The following NBEA variants were observed in gnomAD, a reference collection of about 807,000 sequenced individuals.
NBEA encodes lysosomal-trafficking regulator 2.
NBEA carries 44 observed loss-of-function variants against 343.4 expected under a neutral mutation model. The ratio of observed to expected loss-of-function variants is 0.13; its 90% CI spans 0.10 to 0.16. NBEA has a LOEUF of 0.16. NBEA is among the 10% of genes least tolerant of loss of function. NBEA has a pLI of 1.00. For missense variants in NBEA, 2,555 were observed against 3,631.3 expected (o/e 0.70, Z 7.62); for synonymous variants, 1,175 against 1,238.7 (o/e 0.95, Z 1.08).
intron 12 of NBEA, 37 bp downstream of exon 12, chr13:35,109,479 A>G (rs1187780982): frequency 1.3e-6 from 2 of 1,517,456 alleles, no homozygotes; most frequent in Non-Finnish European, 1.8e-6. Flanking sequence ...GATTTAGTGT[A>G]ATGTTATACA....
chr13:35,438,123 A>C (rs2045541336), intron 39 of NBEA, among the ~76,000 whole-genome samples: 1 of 152,162 alleles, frequency 6.6e-6, no homozygotes, highest in Admixed American at 6.5e-5. Context: ...AGGAAAAAAA[A>C]AACATGGAGC....
chr13:35,377,907 T>C (rs1312442604), intron 38 of NBEA, among the ~76,000 whole-genome samples: 3 of 152,176 alleles, frequency 2.0e-5, no homozygotes, highest in Non-Finnish European at 4.4e-5. Context: ...AAACACTGAT[T>C]TGTGTCTTTT....
chr13:35,311,842 G>A (rs988316978), intron 36 of NBEA, among the ~76,000 whole-genome samples: 3 of 152,080 alleles, frequency 2.0e-5, no homozygotes, highest in Middle Eastern at 3.4e-3. Context: ...CGATGAGAGC[G>A]AGACTTCGTC....
chr13:35,157,022 G>T (rs2069220440), intron 20 of NBEA, 56 bp from the exon 21 acceptor site: 1 of 1,369,166 alleles, frequency 7.3e-7, no homozygotes. Context: ...TTTCAAAATA[G>T]TAAATTCTAA....
intron 31 of NBEA, among the ~76,000 whole-genome samples, chr13:35,200,768 A>C (rs1438642545): frequency 1.3e-5 from 2 of 151,996 alleles, no homozygotes; most frequent in Non-Finnish European, 2.9e-5. Flanking sequence ...GGGCCAAAAA[A>C]GCAACTTAGA....
At chr13:35,373,707 A>AAATAATAAT (rs60612475) in intron 38 of NBEA, among the ~76,000 whole-genome samples, 166 of 149,808 alleles carry the variant, frequency 1.1e-3, no homozygotes, top group Middle Eastern at 3.5e-3. Context: ...ACTGTCTCAA[A>AAATAATAAT]AATAATAATA....
intron 35 of NBEA, among the ~76,000 whole-genome samples, chr13:35,298,748 C>T (rs1282430438): frequency 6.6e-6 from 1 of 151,864 alleles, no homozygotes; most frequent in Admixed American, 6.6e-5. Flanking sequence ...ATATGATACG[C>T]CAACTTTTCC....
intron 36 of NBEA, among the ~76,000 whole-genome samples, chr13:35,310,119 G>A (rs1010793658): frequency 8.6e-5 from 13 of 151,364 alleles, no homozygotes; most frequent in South Asian, 4.2e-4. Flanking sequence ...GGTTAAAATC[G>A]CAGTGCCAAA....
At chr13:35,249,731 C>T (rs1279432626) in intron 34 of NBEA, among the ~76,000 whole-genome samples, 1 of 152,090 alleles carries the variant, frequency 6.6e-6, no homozygotes. Flanking sequence ...GGGTTTATAG[C>T]CAAAACAACT....
chr13:35,513,301 A>AT (rs1566247982), intron 41 of NBEA, among the ~76,000 whole-genome samples: 7 of 117,282 alleles, frequency 6.0e-5, no homozygotes, highest in African/African-American at 1.4e-4. Context: ...CACACCTGGC[A>AT]ATTTTTTTTT....
rs148618803 is a variant in NBEA at position 35,390,353 on chromosome 13, A to T, written c.6179+38030A>T. Among the ~76,000 whole-genome samples the T allele has an allele frequency of 3.7e-3, 559 of 152,276 alleles. 7 individuals carry two copies. Among genetic ancestry groups the T allele is most frequent in the African/African-American group, 0.013 (527 of 41,568 alleles). ...CACTTTCTTTTTCTTTGGAGACTTT[A>T]ATCCATTTGGAACCAGACACAAGAC... On this transcript the variant is annotated intron_variant, in intron 38 of 58. Coordinates refer to ENST00000379939, the MANE Select transcript of NBEA (RefSeq NM_001385012.1).
At chr13:35,646,710 A>G (rs920766039) in intron 51 of NBEA, among the ~76,000 whole-genome samples, 30 of 152,336 alleles carry the variant, frequency 2.0e-4, no homozygotes, top group African/African-American at 6.3e-4. Flanking sequence ...GATATTGCCA[A>G]ATTTCGTGGC....
chr13:35,077,512 C>CATACAATCT (rs1320431208), intron 10 of NBEA, among the ~76,000 whole-genome samples: 1 of 152,104 alleles, frequency 6.6e-6, no homozygotes, highest in Non-Finnish European at 1.5e-5. Context: ...GTATTTCCCA[C>CATACAATCT]ATACAATCTA....
chr13:35,210,816 A>G (rs2073722960), intron 32 of NBEA, among the ~76,000 whole-genome samples: 1 of 152,018 alleles, frequency 6.6e-6, no homozygotes, highest in Admixed American at 6.6e-5. Flanking sequence ...TTTATACCCC[A>G]TTTGTAGTAT....
intron 38 of NBEA, among the ~76,000 whole-genome samples, chr13:35,373,219 A>G (rs547701747): frequency 2.0e-5 from 3 of 151,790 alleles, no homozygotes; most frequent in Admixed American, 6.6e-5. Flanking sequence ...ATTGAATTCC[A>G]GTGTTCTCTC....
intron 33 of NBEA, 90 bp from the exon 34 acceptor site, chr13:35,232,402 G>T (rs2075026330): frequency 6.7e-6 from 6 of 896,310 alleles, no homozygotes; most frequent in African/African-American, 1.7e-5. Context: ...GGACATTTAT[G>T]ATTTTTAAAT....
chr13:35,107,769 C>A (rs2065988255), intron 11 of NBEA, among the ~76,000 whole-genome samples: 1 of 151,848 alleles, frequency 6.6e-6, no homozygotes, highest in Non-Finnish European at 1.5e-5. Context: ...GTCTTGAGTT[C>A]TACCTTTAAG....
chr13:35,003,319 A>G (rs1310430456), intron 1 of NBEA, among the ~76,000 whole-genome samples: 1 of 152,180 alleles, frequency 6.6e-6, no homozygotes, highest in East Asian at 1.9e-4. Flanking sequence ...GCAGCAAGCC[A>G]TGATCATGCC....
intron 1 of NBEA, among the ~76,000 whole-genome samples, chr13:35,000,527 A>T (rs2152523947): frequency 6.6e-6 from 1 of 151,786 alleles, no homozygotes; most frequent in Admixed American, 6.6e-5. Flanking sequence ...TTTTACATGG[A>T]TTATAAGAGA....
Sources: allele counts gnomAD v4.1 joint callset (sites outside exome capture counted in the v4.1 genomes callset), GRCh38; gene constraint gnomAD v4.1.1; transcripts MANE v1.5; gene names NCBI Gene and HGNC (gene_info 2026-07-23, HGNC 2026-07-21).